Variants in SPOCK3 observed in about 807,000 individuals in gnomAD.
The protein encoded by SPOCK3 is testican-3.
A neutral mutation model predicts 56.6 loss-of-function variants in SPOCK3; 30 were observed. The ratio of observed to expected loss-of-function variants is 0.53; its 90% CI spans 0.40 to 0.72. The LOEUF is 0.72. Among genes scored for constraint, SPOCK3 ranks in the 30% least tolerant of loss-of-function variants. The pLI is 0.00. For missense variants in SPOCK3, 527 were observed against 530.0 expected (o/e 0.99, Z 0.06); for synonymous variants, 196 against 183.3 (o/e 1.07, Z -0.56).
intron 2 of SPOCK3, among the ~76,000 whole-genome samples, chr4:167,147,919 T>C (rs1340695976): frequency 2.0e-5 from 3 of 151,754 alleles, no homozygotes; most frequent in Middle Eastern, 3.2e-3. Context: ...GAAACAAACC[T>C]GCACATTCTG....
chr4:167,213,920 T>C (rs1297775060), intron 2 of SPOCK3, among the ~76,000 whole-genome samples: 2 of 152,190 alleles, frequency 1.3e-5, no homozygotes, highest in African/African-American at 4.8e-5. Context: ...TCTATTGTAC[T>C]GTCACAAGAC....
intron 2 of SPOCK3, among the ~76,000 whole-genome samples, chr4:167,153,350 CTT>C (rs1333403900): frequency 6.6e-6 from 1 of 152,158 alleles, no homozygotes; most frequent in Non-Finnish European, 1.5e-5. Context: ...AGCAGAGCAG[CTT>C]TTGGCATCAA....
At chr4:166,834,097 G>T (rs1579360260) in intron 6 of SPOCK3, among the ~76,000 whole-genome samples, 1 of 152,276 alleles carries the variant, frequency 6.6e-6, no homozygotes, top group African/African-American at 2.4e-5. Context: ...TGAGAGAAAT[G>T]TGTTCCCCCA....
chr4:166,796,946 G>T (rs1742004581), intron 6 of SPOCK3, among the ~76,000 whole-genome samples: 1 of 152,102 alleles, frequency 6.6e-6, no homozygotes, highest in African/African-American at 2.4e-5. Flanking sequence ...ACAAAGAAAA[G>T]TCCAAAGTAC....
intron 6 of SPOCK3, among the ~76,000 whole-genome samples, chr4:166,809,612 A>T (rs912690340): frequency 3.3e-5 from 5 of 152,236 alleles, no homozygotes; most frequent in African/African-American, 1.2e-4. Context: ...AATTTAGACA[A>T]ATTATTCTTT....
At chr4:167,174,904 T>A (rs1003094346) in intron 2 of SPOCK3, among the ~76,000 whole-genome samples, 3 of 152,162 alleles carry the variant, frequency 2.0e-5, no homozygotes, top group African/African-American at 7.2e-5. Context: ...TAATATACAT[T>A]CTCAAAGGAG....
intron 2 of SPOCK3, among the ~76,000 whole-genome samples, chr4:167,222,178 T>G (rs554244889): frequency 6.6e-6 from 1 of 152,184 alleles, no homozygotes; most frequent in African/African-American, 2.4e-5. Context: ...CTTGAGGATG[T>G]TATGCTAACA....
intron 5 of SPOCK3, among the ~76,000 whole-genome samples, chr4:166,896,616 A>T (rs999614573): frequency 6.6e-6 from 1 of 152,112 alleles, no homozygotes; most frequent in Non-Finnish European, 1.5e-5. Flanking sequence ...CTTTATGTGG[A>T]TGAGTGGGGG....
chr4:167,083,374 C>T (rs1424094129), intron 2 of SPOCK3: 7 of 754,990 alleles, frequency 9.3e-6, no homozygotes, highest in Non-Finnish European at 1.5e-5. Flanking sequence ...ATAACGAATT[C>T]AACTTGCTCA....
At chr4:166,767,731 T>G (rs1460883435) in intron 7 of SPOCK3, among the ~76,000 whole-genome samples, 2 of 152,324 alleles carry the variant, frequency 1.3e-5, no homozygotes, top group Middle Eastern at 3.4e-3. Context: ...TGAGTTCAAT[T>G]CCTGGATATC....
Position 167,188,955 on chromosome 4 carries a change from A to T in SPOCK3, c.189+45030T>A, listed in dbSNP as rs756291497. Among the ~76,000 whole-genome samples the T allele has an allele frequency of 3.0e-4, 44 of 146,712 alleles. 3 individuals carry two copies. The Middle Eastern group carries it at 0.01, about 34-fold the overall frequency. ...TAAAGAAATTGAATTTGCATTTAAA[A>T]TTCTTCTCACAGAGAAAACTCCAGG... On this transcript the variant is annotated intron_variant, in intron 2 of 10. Transcript: ENST00000357545.
At chr4:167,070,335 TTTCA>T (rs1314722146) in intron 2 of SPOCK3, among the ~76,000 whole-genome samples, 1 of 151,926 alleles carries the variant, frequency 6.6e-6, no homozygotes, top group Non-Finnish European at 1.5e-5. Flanking sequence ...ACCATTTTAT[TTTCA>T]TTCAAATCTC....
At chr4:166,847,594 A>G (rs1359794668) in intron 6 of SPOCK3, among the ~76,000 whole-genome samples, 3 of 144,254 alleles carry the variant, frequency 2.1e-5, no homozygotes, top group African/African-American at 7.6e-5. Context: ...ATTTGGAGAA[A>G]GTAGAGCATT....
Position 166,878,323 on chromosome 4 carries a change from G to A in SPOCK3, c.589+10807C>T, listed in dbSNP as rs12647487. 2.7e-3 allele frequency among the ~76,000 whole-genome samples: 403 copies of A among 152,064 alleles called. 9 individuals carry two copies. In the East Asian group the frequency reaches 0.061, roughly 23 times the overall value. On this transcript the variant is annotated intron_variant, in intron 6 of 10. Coordinates refer to ENST00000357545, the MANE Select transcript of SPOCK3 (RefSeq NM_001040159.2). ...GTTATAAACAACACTTCTAAGGAGA[G>A]AAAAATAAATGATGCATGTTTACTT... is the stretch of plus-strand genomic sequence containing the variant.
At chr4:167,222,328 G>A (rs914022643) in intron 2 of SPOCK3, among the ~76,000 whole-genome samples, 5 of 151,798 alleles carry the variant, frequency 3.3e-5, no homozygotes, top group Admixed American at 1.3e-4. Flanking sequence ...TGAGTATAAA[G>A]TTTCAGTTCT....
At chr4:167,046,895 G>A (rs1470330695) in intron 3 of SPOCK3, among the ~76,000 whole-genome samples, 3 of 152,166 alleles carry the variant, frequency 2.0e-5, no homozygotes, top group African/African-American at 4.8e-5. Flanking sequence ...GTTGTGGGGA[G>A]ACAGAAGCAA....
At chr4:167,164,050 T>C (rs1765547459) in intron 2 of SPOCK3, among the ~76,000 whole-genome samples, 1 of 152,078 alleles carries the variant, frequency 6.6e-6, no homozygotes, top group South Asian at 2.1e-4. Flanking sequence ...GGATTTAAGG[T>C]TAAAATTTCC....
intron 6 of SPOCK3, among the ~76,000 whole-genome samples, chr4:166,826,042 T>C (rs1745437641): frequency 6.6e-6 from 1 of 152,110 alleles, no homozygotes; most frequent in South Asian, 2.1e-4. Context: ...AACTATTAAA[T>C]TTTTTAAGAA....
Position 166,811,303 on chromosome 4 carries a change from ATACTC to A in SPOCK3, c.590-19019_590-19015del, listed in dbSNP as rs200750434. Among the ~76,000 whole-genome samples, 207 of 148,682 alleles carry A rather than the reference ATACTC, an allele frequency of 1.4e-3. 2 individuals carry two copies. In the East Asian group the frequency reaches 0.036, roughly 26 times the overall value. On this transcript the variant is annotated intron_variant, in intron 6 of 10. Coordinates refer to ENST00000357545, the MANE Select transcript of SPOCK3 (RefSeq NM_001040159.2). ...CTTAAGATAGATTATTTGCTCACTG[ATACTC>A]TACTCTTCTTTTTTTTTTACATCTA...
Sources: allele counts gnomAD v4.1 joint callset (sites outside exome capture counted in the v4.1 genomes callset), GRCh38; gene constraint gnomAD v4.1.1; transcripts MANE v1.5; gene names NCBI Gene and HGNC (gene_info 2026-07-23, HGNC 2026-07-21).